AP1M2: variants seen among roughly 807,000 people sequenced by gnomAD.
AP1M2 encodes the protein AP-1 complex subunit mu-2.
In AP1M2, 41 loss-of-function variants were observed where a neutral mutation model predicts 54.6. The ratio of observed to expected loss-of-function variants is 0.75; its 90% CI spans 0.59 to 0.97. AP1M2 has a LOEUF of 0.97. Ranked by LOEUF, AP1M2 falls within the 50% of genes least tolerant of loss-of-function variation. AP1M2 has a pLI of 0.00. For missense variants in AP1M2, 507 were observed against 561.2 expected (o/e 0.90, Z 0.98); for synonymous variants, 219 against 215.9 (o/e 1.01, Z -0.13).
rs1207368794 is a variant in AP1M2 at position 10,585,298 on chromosome 19, A to AGAAGGAAGGAAGGAAG, written c.43-1229_43-1228insCTTCCTTCCTTCCTTC. Among the ~76,000 whole-genome samples the AGAAGGAAGGAAGGAAG allele has an allele frequency of 3.8e-4, 33 of 87,270 alleles. 1 individual carries two copies. The highest frequency in any genetic ancestry group is 1.0e-3 in the Admixed American group (6 of 5,994). 57.3% of individuals were successfully genotyped at this position (87,270 alleles called of 152,430 possible). On this transcript the variant is annotated intron_variant, in intron 1 of 11. Coordinates refer to ENST00000250244, the MANE Select transcript of AP1M2 (RefSeq NM_005498.5). The stretch of plus-strand genomic sequence containing the variant: ...AAAGAAGAAAAAAAGAAAGAAAGAA[A>AGAAGGAAGGAAGGAAG]GAAAGAAAGAAAGAAAGAAAGAAAG...
In AP1M2 at chr19:10,574,030, T is replaced by G. The variant is rs139932870; in HGVS notation, c.1249+387A>C. Among the ~76,000 whole-genome samples the G allele has an allele frequency of 5.1e-4, 77 of 152,174 alleles. No homozygotes were observed. The East Asian group carries it at 0.014, about 27-fold the overall frequency. ...CATGACAAGAAGGGGCAGTTTGCTT[T>G]CTTTTTCATTTTTTGAGACAGGGTT... is the stretch of plus-strand genomic sequence containing the variant. On this transcript the variant is annotated intron_variant, in intron 11 of 11. Transcript: ENST00000250244.
chr19:10,584,176 G>A (rs1443807679), intron 1 of AP1M2, 106 bp from the exon 2 acceptor site: 1 of 1,398,652 alleles, frequency 7.1e-7, no homozygotes, highest in Non-Finnish European at 9.6e-7. Flanking sequence ...TGAGGGGCTT[G>A]GGCAAGGCTC....
At chr19:10,579,597 A>G in intron 7 of AP1M2, 119 bp downstream of exon 7, 1 of 1,206,406 alleles carries the variant, frequency 8.3e-7, no homozygotes, top group South Asian at 1.6e-5. Context: ...CAAGTGATCC[A>G]CCCGACTCAG....
chr19:10,582,044 T>TGC, intron 3 of AP1M2, among the ~76,000 whole-genome samples, 166 bp from the exon 4 acceptor site: 1 of 151,290 alleles, frequency 6.6e-6, no homozygotes, highest in South Asian at 2.1e-4. Context: ...TCTCGTTTTT[T>TGC]CTTTTTTCTT....
At position 10,580,518 on chromosome 19, in the gene AP1M2, C is replaced by G. The variant is rs754882761; in HGVS notation, c.674-660G>C. Reference sequence around the variant, plus strand: ...CCACTAAAAATACAAAAAAAATTAGCTGGGCGTGGTGGCTGGTGCCTATAG... The same window carrying G: ...CCACTAAAAATACAAAAAAAATTAGGTGGGCGTGGTGGCTGGTGCCTATAG... On this transcript the variant is annotated intron_variant, in intron 6 of 11. Transcript: ENST00000250244. Among the ~76,000 whole-genome samples, 15 of 152,260 alleles carry G rather than the reference C, an allele frequency of 9.9e-5. No individual in the cohort carries two copies. In the South Asian group the frequency reaches 1.7e-3, roughly 17 times the overall value.
chr19:10,574,475 G>A lies in AP1M2; in HGVS notation c.1191C>T (p.Ile397=). ...VSGIQVRYMK[I]IEKSGYQALP... is the part of the protein sequence containing the mutation. ...GGGCCTGGTAACCACTTTTCTCAAT[G>A]ATCTTCATGTATCGGACCTGGAAGG... The change falls in exon 11 of 12, where the codon ATC becomes ATT. Residue 397 remains isoleucine (I), a synonymous_variant. Transcript: ENST00000250244. 2 of 1,565,122 alleles carry A rather than the reference G, an allele frequency of 1.3e-6. No individual in the cohort carries two copies. The highest frequency in any genetic ancestry group is 1.7e-6 in the Non-Finnish European group (2 of 1,154,834).
intron 1 of AP1M2, among the ~76,000 whole-genome samples, chr19:10,585,353 A>AAGAAAGAAAGAT (rs1568434915): frequency 3.3e-5 from 5 of 151,638 alleles, no homozygotes; most frequent in East Asian, 1.9e-4. Context: ...GAAAGAAAGA[A>AAGAAAGAAAGAT]AGATGACAGT....
At chr19:10,586,673 G>A (rs756346606) in intron 1 of AP1M2, among the ~76,000 whole-genome samples, 2 of 152,002 alleles carry the variant, frequency 1.3e-5, no homozygotes, top group African/African-American at 2.4e-5. Context: ...ATTCCAGGCT[G>A]CAGTGAGCTA....
intron 11 of AP1M2, 83 bp downstream of exon 11, chr19:10,574,333 TG>T: frequency 8.4e-7 from 1 of 1,187,324 alleles, no homozygotes; most frequent in Non-Finnish European, 1.2e-6. Context: ...GTTGGTTTTC[TG>T]AGCCAGAATG....
At position 10,577,242 on chromosome 19, in the gene AP1M2, C is replaced by A; in HGVS notation, c.1003G>T (p.Val335Leu). The A allele has an allele frequency of 3.7e-6, 6 of 1,613,408 alleles. No individual in the cohort carries two copies. The highest frequency in any genetic ancestry group is 3.4e-6 in the Non-Finnish European group (4 of 1,179,744). ...CAAATCACGACGTTTCTCTCCGGCA[C>A]ATACTTGGCGCTGCCCACACTGGTC... ...FKTSVGSAKY[V>L]PERNVVIWSI... The change falls in exon 9 of 12, where the codon GTG becomes TTG. Residue 335 changes from valine (V) to leucine (L), a missense_variant. Coordinates refer to ENST00000250244, the MANE Select transcript of AP1M2 (RefSeq NM_005498.5).
rs905344001 is a variant in AP1M2, at chr19:10,579,288, C to T, written c.817-325G>A. 3.3e-5 allele frequency among the ~76,000 whole-genome samples: 5 copies of T among 151,936 alleles called. 1 individual carries two copies. Among genetic ancestry groups the T allele is most frequent in the South Asian group, 4.1e-4 (2 of 4,822 alleles). ...AAAATTAGCTGGACACGGTGGCATG[C>T]GCCTATAGTCCCAGCTACTCGGGAC... On this transcript the variant is annotated intron_variant, in intron 7 of 11. Transcript: ENST00000250244.
chr19:10,576,217 GAGT>G (rs1470627800), intron 9 of AP1M2, among the ~76,000 whole-genome samples: 4 of 136,702 alleles, frequency 2.9e-5, no homozygotes, highest in Non-Finnish European at 6.1e-5. Flanking sequence ...TCAGCCTCCT[GAGT>G]AGCTGGTACT....
At position 10,587,246 on chromosome 19, in the gene AP1M2, G is replaced by T. The variant is rs1409479342; in HGVS notation, c.-15C>A. ...GAGGCGGACATGGTGGCGGCCGAAG[G>T]ACTTAGGAGTCGGGGAGGGAGCGCC... On this transcript the variant is annotated 5_prime_UTR_variant, in exon 1 of 12. Transcript: ENST00000250244. 1 of 1,562,508 alleles carries T rather than the reference G, an allele frequency of 6.4e-7. No individual in the cohort carries two copies. Among genetic ancestry groups the T allele is most frequent in the South Asian group, 1.2e-5 (1 of 84,594 alleles).
chr19:10,579,015 C>CTTTTTTTTTTTTTTTTT (rs749676329), intron 7 of AP1M2, 52 bp from the exon 8 acceptor site: 2 of 743,316 alleles, frequency 2.7e-6, no homozygotes, highest in Non-Finnish European at 2.0e-6. Context: ...TGACTCTCTT[C>CTTTTTTTTTTTTTTTTT]TTTTTTTTTT....
chr19:10,578,931 A>G lies in AP1M2; in HGVS notation c.849T>C (p.Ile283=), dbSNP rs373316678. 9.3e-6 allele frequency: 15 copies of G among 1,608,674 alleles called. No individual in the cohort carries two copies. The African/African-American group carries it at 1.5e-4, about 16-fold the overall frequency. The change falls in exon 8 of 12, where the codon ATT becomes ATC. Residue 283 remains isoleucine, a synonymous_variant. Transcript: ENST00000250244. ...CCACGCGGCTGTGGGAGAACTTCTCAATGACAGACTCAATCCAGATCAGTG... is the reference window on the plus strand; with the variant it reads ...CCACGCGGCTGTGGGAGAACTTCTCGATGACAGACTCAATCCAGATCAGTG... ...VKPLIWIESV[I]EKFSHSRVEI... is the part of the protein sequence containing the mutation.
At chr19:10,584,393 A>G (rs1917564953) in intron 1 of AP1M2, among the ~76,000 whole-genome samples, 1 of 152,234 alleles carries the variant, frequency 6.6e-6, no homozygotes, top group African/African-American at 2.4e-5. Context: ...ATCCTGGCCA[A>G]CATGGTGAAA....
chr19:10,577,266 T>C lies in AP1M2; in HGVS notation c.979A>G (p.Thr327Ala). 1 of 1,612,980 alleles carries C rather than the reference T, an allele frequency of 6.2e-7. No individual in the cohort carries two copies. Among genetic ancestry groups the C allele is most frequent in the Non-Finnish European group, 8.5e-7 (1 of 1,179,608 alleles). Residue 327 changes from threonine to alanine, a missense_variant, in exon 9 of 12, where the codon ACC becomes GCC. Thr to Ala is a moderately conservative substitution (Grantham distance 58, BLOSUM62 0). Transcript: ENST00000250244. ...ACATACTTGGCGCTGCCCACACTGG[T>C]CTTGAATCTGGGGGAGTCGGCATCG... ...PSDADSPRFK[T>A]SVGSAKYVPE...
chr19:10,581,579 T>G lies in AP1M2; in HGVS notation c.454A>C (p.Thr152Pro). 3 of 1,613,830 alleles carry G rather than the reference T, an allele frequency of 1.9e-6. No individual in the cohort carries two copies. The highest frequency in any genetic ancestry group is 3.3e-4 in the Middle Eastern group (2 of 6,062). Residue 152 changes from threonine (T) to proline (P), a missense_variant, in exon 5 of 12, where the codon ACT becomes CCT. Thr to Pro is a conservative substitution (Grantham distance 38). Transcript: ENST00000250244. ...CGCCAGGACACAGCGTTGGTGACAG[T>G]GGGTGGCACCCGTGACTTGCCCGTC... ...LETGKSRVPP[T>P]VTNAVSWRSE...
chr19:10,575,245 G>A (rs911524215), intron 9 of AP1M2, among the ~76,000 whole-genome samples: 46 of 152,256 alleles, frequency 3.0e-4, no homozygotes, highest in African/African-American at 1.1e-3. Context: ...TCAGCTACTT[G>A]GGAGGCTGAG....
Sources: gnomAD v4.1 joint callset for allele counts (sites outside exome capture counted in the v4.1 genomes callset) on GRCh38, gnomAD v4.1.1 for gene constraint, MANE v1.5 for transcripts, NCBI Gene and HGNC (gene_info 2026-07-23, HGNC 2026-07-21) for gene names.